The following KIAA1217 variants were observed in gnomAD, a reference collection of about 807,000 sequenced individuals.
KIAA1217 encodes sickle tail protein homolog.
Under a neutral mutation model 163.9 loss-of-function variants are expected in KIAA1217, and 88 were observed. That is an observed-to-expected ratio of 0.54 (90% confidence interval 0.45 to 0.64). The LOEUF is 0.64. Among genes scored for constraint, KIAA1217 ranks in the 30% least tolerant of loss-of-function variants. The pLI is 0.00. For missense variants in KIAA1217, 2,372 were observed against 2,475.0 expected, an observed-to-expected ratio of 0.96 and a Z score of 0.88; for synonymous variants, 903 against 923.1, an observed-to-expected ratio of 0.98 and a Z score of 0.39.
intron 2 of KIAA1217, among the ~76,000 whole-genome samples, chr10:24,163,766 G>C (rs1007112951): frequency 1.3e-5 from 2 of 152,154 alleles, no homozygotes; most frequent in African/African-American, 4.8e-5. Context: ...GTTTGCATGG[G>C]TGGCAATTTG....
At chr10:24,140,771 C>T (rs2064031939) in intron 2 of KIAA1217, among the ~76,000 whole-genome samples, 1 of 152,152 alleles carries the variant, frequency 6.6e-6, no homozygotes. Flanking sequence ...TATCTAAAGG[C>T]CGTGCTTGAC....
intron 2 of KIAA1217, among the ~76,000 whole-genome samples, chr10:24,132,778 C>A (rs140604390): frequency 3.3e-5 from 5 of 152,290 alleles, no homozygotes; most frequent in Non-Finnish European, 5.9e-5. Context: ...AGGATAATTT[C>A]TATTTTCAAA....
chr10:23,786,194 C>T (rs1310844253), intron 1 of KIAA1217, among the ~76,000 whole-genome samples: 1 of 151,982 alleles, frequency 6.6e-6, no homozygotes, highest in Non-Finnish European at 1.5e-5. Flanking sequence ...GAAGAAAATT[C>T]CATCTAGCTG....
intron 2 of KIAA1217, among the ~76,000 whole-genome samples, chr10:24,192,013 G>A (rs749787058): frequency 1.4e-4 from 22 of 152,180 alleles, no homozygotes; most frequent in Non-Finnish European, 3.1e-4. Flanking sequence ...CAAAGTGTTG[G>A]GATTACAGGC....
chr10:24,331,238 C>T (rs992912205), intron 2 of KIAA1217, among the ~76,000 whole-genome samples: 18 of 152,172 alleles, frequency 1.2e-4, no homozygotes, highest in African/African-American at 3.9e-4. Context: ...CCACCATGCC[C>T]GGCCAGTGAG....
intron 6 of KIAA1217, among the ~76,000 whole-genome samples, chr10:24,478,686 A>C (rs1474954998): frequency 6.6e-6 from 1 of 152,194 alleles, no homozygotes. Context: ...TGTGTGACAA[A>C]TGGCTTAGTG....
At chr10:23,938,892 A>G (rs1329504890) in intron 1 of KIAA1217, among the ~76,000 whole-genome samples, 1 of 152,234 alleles carries the variant, frequency 6.6e-6, no homozygotes, top group African/African-American at 2.4e-5. Flanking sequence ...GGAAGAAAGC[A>G]GGGAAATATG....
At chr10:24,022,467 G>A (rs1311250479) in intron 2 of KIAA1217, among the ~76,000 whole-genome samples, 2 of 151,680 alleles carry the variant, frequency 1.3e-5, no homozygotes, top group African/African-American at 4.8e-5. Context: ...CAAACCAAAT[G>A]CTAACAAAGA....
At chr10:24,366,631 G>A (rs1395692355) in intron 2 of KIAA1217, among the ~76,000 whole-genome samples, 1 of 152,176 alleles carries the variant, frequency 6.6e-6, no homozygotes, top group Non-Finnish European at 1.5e-5. Context: ...CCTTGGGTGT[G>A]CCCTCCTGCA....
At chr10:24,408,402 G>A (rs769818653) in intron 3 of KIAA1217, among the ~76,000 whole-genome samples, 1 of 152,156 alleles carries the variant, frequency 6.6e-6, no homozygotes, top group Non-Finnish European at 1.5e-5. Flanking sequence ...TGGGACTTGT[G>A]CAGTAGCCAC....
intron 1 of KIAA1217, among the ~76,000 whole-genome samples, chr10:23,850,620 T>C (rs937198471): frequency 2.6e-5 from 4 of 152,116 alleles, no homozygotes; most frequent in African/African-American, 7.2e-5. Context: ...ATACAAGATT[T>C]GGTAGTGCTT....
At chr10:23,772,483 A>T (rs981898901) in intron 1 of KIAA1217, among the ~76,000 whole-genome samples, 57 of 152,320 alleles carry the variant, frequency 3.7e-4, no homozygotes, top group African/African-American at 1.3e-3. Context: ...ACAAAAAAAG[A>T]TCAGCTAATA....
At chr10:24,387,861 C>T (rs1043795107) in intron 3 of KIAA1217, among the ~76,000 whole-genome samples, 1 of 151,678 alleles carries the variant, frequency 6.6e-6, no homozygotes, top group South Asian at 2.1e-4. Context: ...TGTGAAGGAC[C>T]TCTTCAAGGA....
chr10:23,838,587 A>G (rs1441575616), intron 1 of KIAA1217, among the ~76,000 whole-genome samples: 1 of 152,042 alleles, frequency 6.6e-6, no homozygotes, highest in East Asian at 1.9e-4. Context: ...CAGCCTCCCA[A>G]GTAGCTGGAA....
intron 1 of KIAA1217, among the ~76,000 whole-genome samples, chr10:23,818,776 T>C (rs1837484678): frequency 6.6e-6 from 1 of 152,096 alleles, no homozygotes; most frequent in African/African-American, 2.4e-5. Context: ...GGGGAAAGGG[T>C]CAGCCACACT....
chr10:24,501,729 CTTTTTTTTTTTTTTTTTTTTTT>C (rs71397953), intron 9 of KIAA1217, among the ~76,000 whole-genome samples, 184 bp downstream of exon 9: 1 of 51,472 alleles, frequency 1.9e-5, no homozygotes, highest in Admixed American at 2.8e-4. Context: ...ATAACCACTT[CTTTTTTTTTTTTTTTTTTTTTT>C]TTTTTTTTTT....
chr10:24,429,909 G>A (rs1010433368), intron 3 of KIAA1217, among the ~76,000 whole-genome samples: 22 of 152,106 alleles, frequency 1.4e-4, no homozygotes, highest in Middle Eastern at 3.2e-3. Context: ...TTGGGAGTCC[G>A]AGGTGGTCAG....
chr10:24,115,430 A>G (rs1476179155), intron 2 of KIAA1217, among the ~76,000 whole-genome samples: 1 of 152,206 alleles, frequency 6.6e-6, no homozygotes, highest in East Asian at 1.9e-4. Context: ...CAAACCATAC[A>G]GGTCAGCTAT....
chr10:24,237,971 T>C (rs1432956500), intron 2 of KIAA1217, among the ~76,000 whole-genome samples: 1 of 152,208 alleles, frequency 6.6e-6, no homozygotes, highest in Non-Finnish European at 1.5e-5. Flanking sequence ...TTCCCTGCTA[T>C]GCAAAGAGTC....
Sources: allele counts gnomAD v4.1 joint callset (sites outside exome capture counted in the v4.1 genomes callset), GRCh38; gene constraint gnomAD v4.1.1; transcripts MANE v1.5; gene names NCBI Gene and HGNC (gene_info 2026-07-23, HGNC 2026-07-21).